SFMBT2: variants seen among roughly 807,000 people sequenced by gnomAD.
SFMBT2 encodes the protein Scm like with four mbt domains 2, also known as scm-like with four MBT domains protein 2.
A neutral mutation model predicts 110.1 loss-of-function variants in SFMBT2; 38 were observed. The ratio of observed to expected loss-of-function variants is 0.35; its 90% CI spans 0.27 to 0.45. The LOEUF (loss-of-function observed/expected upper bound fraction) is 0.45. Among genes scored for constraint, SFMBT2 ranks in the 20% least tolerant of loss-of-function variants. The pLI, the probability that SFMBT2 is intolerant of heterozygous loss-of-function variation, is 1.00. For synonymous variants in SFMBT2, 425 were observed against 425.4 expected (o/e 1.00, Z 0.01); for missense variants, 1,011 against 1,094.9 (o/e 0.92, Z 1.08).
At chr10:7,194,683 T>G (rs1838714736) in intron 15 of SFMBT2, among the ~76,000 whole-genome samples, 1 of 152,240 alleles carries the variant, frequency 6.6e-6, no homozygotes, top group Non-Finnish European at 1.5e-5. Flanking sequence ...ACTTACATTT[T>G]TCTTGCACTC....
chr10:7,203,103 G>A (rs1383176852), intron 12 of SFMBT2: 6 of 985,200 alleles, frequency 6.1e-6, no homozygotes, highest in Non-Finnish European at 7.2e-6. Context: ...AACAAAAATA[G>A]ACCAAAGCTT....
At chr10:7,357,296 G>C (rs1844551506) in intron 4 of SFMBT2, among the ~76,000 whole-genome samples, 1 of 152,306 alleles carries the variant, frequency 6.6e-6, no homozygotes, top group Middle Eastern at 3.4e-3. Flanking sequence ...ATTACTCTGG[G>C]TGGTTCTGTG....
Position 7,163,893 on chromosome 10 carries a change from T to A in SFMBT2, c.2562A>T (p.Ala854=). 1 of 1,612,878 alleles carries A rather than the reference T, an allele frequency of 6.2e-7. No individual in the cohort carries two copies. Among genetic ancestry groups the A allele is most frequent in the Non-Finnish European group, 8.5e-7 (1 of 1,179,562 alleles). Residue 854 remains alanine (A), a synonymous_variant, in exon 21 of 21, where the codon GCA becomes GCT. Coordinates refer to ENST00000397167, the MANE Select transcript of SFMBT2 (RefSeq NM_001387889.1). The surrounding 1 kb of genome is among the most constrained non-coding windows in gnomAD (Gnocchi z 4.8). The part of the protein sequence containing the change: ...IFQEQDIDGQ[A]LLLLTLPTVQ... ...CCGTCGGAAGGGTCAGAAGCAGGAGTGCTTGGCCGTCAATATCCTGCAGGA... is the reference window on the plus strand; with the variant it reads ...CCGTCGGAAGGGTCAGAAGCAGGAGAGCTTGGCCGTCAATATCCTGCAGGA...
At chr10:7,278,897 G>C (rs1350820889) in intron 6 of SFMBT2, among the ~76,000 whole-genome samples, 1 of 151,914 alleles carries the variant, frequency 6.6e-6, no homozygotes. Flanking sequence ...GGCCAACATG[G>C]TGAAACCTCA....
rs1268648201 is a variant in SFMBT2, at chr10:7,293,142, G to C, written c.437-7188C>G. ...CGACTCACTGCAACCTCCACCTCCT[G>C]GGTTCAAGCGATTCTCCTACCTCAG... On this transcript the variant is annotated intron_variant, in intron 4 of 20. Transcript: ENST00000397167. The surrounding 1 kb of genome is among the most constrained non-coding windows in gnomAD (Gnocchi z 4.6). Among the ~76,000 whole-genome samples the C allele has an allele frequency of 2.0e-5, 3 of 152,026 alleles. No individual in the cohort carries two copies. Among genetic ancestry groups the C allele is most frequent in the Non-Finnish European group, 2.9e-5 (2 of 67,982 alleles).
At chr10:7,270,311 G>A (rs1293201509) in intron 7 of SFMBT2, among the ~76,000 whole-genome samples, 2 of 151,998 alleles carry the variant, frequency 1.3e-5, no homozygotes, top group South Asian at 2.1e-4. Context: ...TGGTCCTGCC[G>A]ACACCCTGAT....
intron 6 of SFMBT2, among the ~76,000 whole-genome samples, chr10:7,283,218 C>T (rs1841997658): frequency 6.6e-6 from 1 of 152,180 alleles, no homozygotes; most frequent in Non-Finnish European, 1.5e-5. Context: ...TGTAAATACG[C>T]TGATTTTTAA....
chr10:7,246,817 G>A (rs77477474), intron 8 of SFMBT2, among the ~76,000 whole-genome samples: 9,590 of 149,862 alleles, frequency 0.064, 410 homozygotes, highest in Admixed American at 0.089. Flanking sequence ...ACCAGGTGAA[G>A]CGACTCTGTA....
chr10:7,212,707 T>G (rs1839389559), intron 11 of SFMBT2, among the ~76,000 whole-genome samples: 1 of 152,156 alleles, frequency 6.6e-6, no homozygotes, highest in African/African-American at 2.4e-5. Context: ...TAAAAAAGAT[T>G]TTACACTCAG....
At chr10:7,194,846 G>A (rs1287376408) in intron 15 of SFMBT2, among the ~76,000 whole-genome samples, 1 of 152,148 alleles carries the variant, frequency 6.6e-6, no homozygotes, top group Non-Finnish European at 1.5e-5. Flanking sequence ...ACTTATCGGA[G>A]AATTGATCAG....
intron 7 of SFMBT2, among the ~76,000 whole-genome samples, chr10:7,254,453 C>T (rs1018658887): frequency 1.3e-5 from 2 of 152,152 alleles, no homozygotes; most frequent in African/African-American, 2.4e-5. Context: ...AGTATCACTA[C>T]GATCACAGTA....
At chr10:7,376,495 C>T (rs771477414) in intron 2 of SFMBT2, among the ~76,000 whole-genome samples, 8 of 151,558 alleles carry the variant, frequency 5.3e-5, no homozygotes, top group Admixed American at 2.6e-4. Context: ...GTCAAGAGAT[C>T]GAGACCATCC....
chr10:7,312,229 A>T (rs1422860114), intron 4 of SFMBT2, among the ~76,000 whole-genome samples: 13 of 150,958 alleles, frequency 8.6e-5, no homozygotes, highest in African/African-American at 1.9e-4. Context: ...AGTATAATTT[A>T]AAAAAAAAAT....
In SFMBT2 at chr10:7,301,581, G is replaced by A. The variant is rs564469912; in HGVS notation, c.437-15627C>T. Among the ~76,000 whole-genome samples the A allele has an allele frequency of 2.0e-4, 31 of 152,278 alleles. No homozygotes were observed. Among genetic ancestry groups the A allele is most frequent in the Admixed American group, 1.6e-3 (25 of 15,304 alleles). ...GCAGGTCCCCGGGGCCGGCAAATTCGCGGAACACCAGCCAGGGGCATCTCC... is the reference window on the plus strand; with the variant it reads ...GCAGGTCCCCGGGGCCGGCAAATTCACGGAACACCAGCCAGGGGCATCTCC... On this transcript the variant is annotated intron_variant, in intron 4 of 20. Transcript: ENST00000397167. The surrounding 1 kb of genome is among the most constrained non-coding windows in gnomAD (Gnocchi z 4.2).
Position 7,163,965 on chromosome 10 carries a change from G to T in SFMBT2, c.2545-55C>A. 1 of 1,558,666 alleles carries T rather than the reference G, an allele frequency of 6.4e-7. No homozygotes were observed. Among genetic ancestry groups the T allele is most frequent in the Non-Finnish European group, 8.7e-7 (1 of 1,150,456 alleles). ...GGGGCAGTGTGCACTGGGGTACACAGATGCGTCACAGCAGGCTCCAGTCCG... is the reference window on the plus strand; with the variant it reads ...GGGGCAGTGTGCACTGGGGTACACATATGCGTCACAGCAGGCTCCAGTCCG... On this transcript the variant is annotated intron_variant, in intron 20 of 20. Transcript: ENST00000397167. The surrounding 1 kb of genome is among the most constrained non-coding windows in gnomAD (Gnocchi z 4.8).
At chr10:7,351,358 A>C (rs1844308806) in intron 4 of SFMBT2, among the ~76,000 whole-genome samples, 1 of 152,242 alleles carries the variant, frequency 6.6e-6, no homozygotes, top group African/African-American at 2.4e-5. Context: ...GAGGATGGAT[A>C]AAAACTGCAT....
chr10:7,309,055 C>CA (rs1295501797), intron 4 of SFMBT2, among the ~76,000 whole-genome samples: 1 of 152,118 alleles, frequency 6.6e-6, no homozygotes, highest in Non-Finnish European at 1.5e-5. Flanking sequence ...GATATTTGGC[C>CA]AAACATTATT....
At chr10:7,377,212 C>T (rs892896026) in intron 2 of SFMBT2, among the ~76,000 whole-genome samples, 1 of 148,232 alleles carries the variant, frequency 6.7e-6, no homozygotes, top group African/African-American at 2.5e-5. Flanking sequence ...ACACCCCAAG[C>T]GGGTTTGATT....
chr10:7,369,219 G>C (rs2132055004), intron 3 of SFMBT2, among the ~76,000 whole-genome samples: 2 of 152,316 alleles, frequency 1.3e-5, no homozygotes, highest in South Asian at 4.1e-4. Context: ...TTCAGCCAAG[G>C]AGCCAAAAGG....
Sources: gnomAD v4.1 joint callset for allele counts (sites outside exome capture counted in the v4.1 genomes callset) on GRCh38, gnomAD v4.1.1 for gene constraint, Gnocchi (gnomAD v3.1) non-coding constraint, MANE v1.5 for transcripts, NCBI Gene and HGNC (gene_info 2026-07-23, HGNC 2026-07-21) for gene names.